TRIM24: variants seen among roughly 807,000 people sequenced by gnomAD.
TRIM24 encodes the protein transcription intermediary factor 1-alpha.
TRIM24 carries 29 observed loss-of-function variants against 123.9 expected under a neutral mutation model. The ratio of observed to expected loss-of-function variants is 0.23; its 90% CI spans 0.17 to 0.32. The LOEUF is 0.32. Among genes scored for constraint, TRIM24 ranks in the 10% least tolerant of loss-of-function variants. TRIM24 has a pLI of 1.00. For synonymous variants in TRIM24, 456 were observed against 461.1 expected, an observed-to-expected ratio of 0.99 and a Z score of 0.14; for missense variants, 932 against 1,295.3, an observed-to-expected ratio of 0.72 and a Z score of 4.31.
At chr7:138,472,874 A>T (rs1795302312) in intron 1 of TRIM24, among the ~76,000 whole-genome samples, 2 of 152,152 alleles carry the variant, frequency 1.3e-5, no homozygotes, top group African/African-American at 4.8e-5. Flanking sequence ...CTCTTAAAAA[A>T]ATTTTTTTTT....
chr7:138,470,319 CAG>C (rs1795244832), intron 1 of TRIM24, among the ~76,000 whole-genome samples: 8 of 151,832 alleles, frequency 5.3e-5, no homozygotes, highest in Admixed American at 5.3e-4. Flanking sequence ...TTAGTAGAGA[CAG>C]GGTTTCACTA....
intron 1 of TRIM24, among the ~76,000 whole-genome samples, chr7:138,469,883 A>G (rs1795232490): frequency 6.6e-6 from 1 of 152,202 alleles, no homozygotes; most frequent in African/African-American, 2.4e-5. Context: ...AGGCTGCCTC[A>G]AGCCCAAATG....
intron 1 of TRIM24, among the ~76,000 whole-genome samples, chr7:138,477,689 G>C (rs1795433864): frequency 6.6e-6 from 1 of 152,094 alleles, no homozygotes; most frequent in Admixed American, 6.6e-5. Flanking sequence ...TTGGTATTTT[G>C]AAACTATTCA....
chr7:138,516,073 G>A (rs1796387471), intron 3 of TRIM24, among the ~76,000 whole-genome samples: 1 of 152,198 alleles, frequency 6.6e-6, no homozygotes, highest in Non-Finnish European at 1.5e-5. Context: ...GCAGAGGCAG[G>A]TGGATCATGA....
At chr7:138,559,270 G>A (rs550256765) in intron 9 of TRIM24, among the ~76,000 whole-genome samples, 7 of 152,156 alleles carry the variant, frequency 4.6e-5, no homozygotes, top group South Asian at 2.1e-4. Context: ...GGTGCTCCCC[G>A]ACCGCGTAGT....
At chr7:138,519,104 A>G (rs1422028331) in intron 3 of TRIM24, 85 bp from the exon 4 acceptor site, 2 of 1,500,514 alleles carry the variant, frequency 1.3e-6, no homozygotes, top group African/African-American at 1.4e-5. Flanking sequence ...ATATCAATAG[A>G]TGTGAATTCA....
chr7:138,558,362 A>C (rs1797359052), intron 9 of TRIM24, among the ~76,000 whole-genome samples: 1 of 152,222 alleles, frequency 6.6e-6, no homozygotes, highest in Non-Finnish European at 1.5e-5. Context: ...AACAATGCAG[A>C]ATCTCCCGAT....
At chr7:138,527,235 A>G (rs1035138417) in intron 5 of TRIM24, among the ~76,000 whole-genome samples, 3 of 152,144 alleles carry the variant, frequency 2.0e-5, no homozygotes, top group Non-Finnish European at 4.4e-5. Flanking sequence ...AAGTCTTAAC[A>G]TAGTGTTTTT....
chr7:138,533,925 C>T (rs1796807579), intron 6 of TRIM24, among the ~76,000 whole-genome samples: 1 of 152,130 alleles, frequency 6.6e-6, no homozygotes, highest in African/African-American at 2.4e-5. Context: ...GATTCAACTT[C>T]TTCCTGGTTT....
At chr7:138,465,020 A>T (rs1345384343) in intron 1 of TRIM24, among the ~76,000 whole-genome samples, 1 of 152,234 alleles carries the variant, frequency 6.6e-6, no homozygotes, top group East Asian at 1.9e-4. Flanking sequence ...TCATGGGGAA[A>T]AAAAATCCTA....
intron 6 of TRIM24, among the ~76,000 whole-genome samples, chr7:138,537,379 G>GTTT (rs71177994): frequency 0.055 from 3,081 of 56,506 alleles, 820 homozygotes; most frequent in African/African-American, 0.072. Flanking sequence ...ACCCCTGTTT[G>GTTT]TTTTTTTTTT....
At chr7:138,524,416 G>A (rs577579560) in intron 4 of TRIM24, among the ~76,000 whole-genome samples, 43 of 152,156 alleles carry the variant, frequency 2.8e-4, no homozygotes, top group Admixed American at 4.6e-4. Flanking sequence ...GCCTATAAAA[G>A]TATTTGAAAT....
At chr7:138,473,992 G>T (rs765830434) in intron 1 of TRIM24, among the ~76,000 whole-genome samples, 4 of 152,126 alleles carry the variant, frequency 2.6e-5, no homozygotes, top group Non-Finnish European at 5.9e-5. Context: ...TCTGGTCTTG[G>T]ACTTCTGAGC....
At chr7:138,575,425 G>A (rs1310174376) in intron 12 of TRIM24, among the ~76,000 whole-genome samples, 1 of 151,082 alleles carries the variant, frequency 6.6e-6, no homozygotes, top group East Asian at 1.9e-4. Context: ...TCCCAGTAGT[G>A]GGGACTACAG....
intron 7 of TRIM24, among the ~76,000 whole-genome samples, chr7:138,545,784 C>T (rs1023840929): frequency 1.3e-5 from 2 of 151,992 alleles, no homozygotes; most frequent in African/African-American, 4.8e-5. Context: ...ATAATGGGGA[C>T]ATGTCAAAGG....
intron 9 of TRIM24, among the ~76,000 whole-genome samples, chr7:138,565,060 A>G (rs1314533556): frequency 1.3e-5 from 2 of 152,122 alleles, no homozygotes; most frequent in African/African-American, 2.4e-5. Flanking sequence ...GAACACTGTT[A>G]GTCCCGGTCA....
intron 2 of TRIM24, among the ~76,000 whole-genome samples, chr7:138,514,143 A>G (rs1308160312): frequency 1.3e-5 from 2 of 152,232 alleles, no homozygotes; most frequent in Non-Finnish European, 2.9e-5. Context: ...TGGACATATC[A>G]GGTATTTGGA....
In TRIM24 at chr7:138,534,659, G is replaced by A. The variant is rs532904658; in HGVS notation, c.997-3998G>A. ...CTGTGTGGTCAATTTTGGAATAAGT[G>A]TGATGTGGTGCTGAGAAGAATGTAT... On this transcript the variant is annotated intron_variant, in intron 6 of 18. Transcript: ENST00000343526. Among the ~76,000 whole-genome samples the A allele has an allele frequency of 6.6e-5, 10 of 152,348 alleles. No individual in the cohort carries two copies. In the South Asian group the frequency reaches 1.9e-3, roughly 28 times the overall value.
At chr7:138,578,862 A>C (rs1471041371) in intron 14 of TRIM24, among the ~76,000 whole-genome samples, 1 of 152,110 alleles carries the variant, frequency 6.6e-6, no homozygotes, top group African/African-American at 2.4e-5. Flanking sequence ...CAGAAAGTTT[A>C]GATTCATCTT....
Sources: gnomAD v4.1 joint callset for allele counts (sites outside exome capture counted in the v4.1 genomes callset) on GRCh38, gnomAD v4.1.1 for gene constraint, MANE v1.5 for transcripts, NCBI Gene and HGNC (gene_info 2026-07-23, HGNC 2026-07-21) for gene names.